Variants in DOCK10 observed in about 807,000 individuals in gnomAD.
DOCK10 encodes the protein dedicator of cytokinesis 10.
A neutral mutation model predicts 280.1 loss-of-function variants in DOCK10; 145 were observed. The observed-to-expected ratio is 0.52, with a 90% CI of 0.45 to 0.59. DOCK10 has a LOEUF of 0.59. Among genes scored for constraint, DOCK10 ranks in the 20% least tolerant of loss-of-function variants. The pLI is 0.00. For synonymous variants in DOCK10, 915 were observed against 942.2 expected (o/e 0.97, Z 0.53); for missense variants, 2,368 against 2,651.7 (o/e 0.89, Z 2.35).
chr2:224,931,754 C>A, intron 1 of DOCK10, 86 bp from the exon 2 acceptor site: 1 of 1,432,576 alleles, frequency 7.0e-7, no homozygotes, highest in Non-Finnish European at 9.3e-7. Flanking sequence ...TCTTAGTTAT[C>A]ATTGAGGCTT....
At chr2:224,901,849 C>T (rs1378367324) in intron 3 of DOCK10, among the ~76,000 whole-genome samples, 1 of 152,228 alleles carries the variant, frequency 6.6e-6, no homozygotes, top group African/African-American at 2.4e-5. Flanking sequence ...TAGTTTCACA[C>T]AGTGGATTCT....
At chr2:224,963,437 T>C (rs1296033196) in intron 1 of DOCK10, among the ~76,000 whole-genome samples, 3 of 152,242 alleles carry the variant, frequency 2.0e-5, no homozygotes, top group Non-Finnish European at 4.4e-5. Context: ...TAAAATTGTG[T>C]TTCTGTTCTG....
intron 50 of DOCK10, among the ~76,000 whole-genome samples, chr2:224,780,085 G>T (rs910802883): frequency 6.6e-6 from 1 of 152,168 alleles, no homozygotes; most frequent in Non-Finnish European, 1.5e-5. Flanking sequence ...ATAGTCCACG[G>T]CTTTAAATAA....
intron 1 of DOCK10, among the ~76,000 whole-genome samples, chr2:224,934,123 G>A (rs192260292): frequency 6.6e-6 from 1 of 152,150 alleles, no homozygotes; most frequent in East Asian, 1.9e-4. Flanking sequence ...TCGTATAGTG[G>A]TTAGTACTCT....
intron 16 of DOCK10, among the ~76,000 whole-genome samples, chr2:224,854,068 C>T (rs915988111): frequency 1.4e-4 from 22 of 152,128 alleles, no homozygotes; most frequent in Non-Finnish European, 2.9e-4. Context: ...TGATTTTGAA[C>T]CATGGCTTAA....
chr2:224,872,524 C>T (rs1407314866), intron 11 of DOCK10, among the ~76,000 whole-genome samples: 1 of 152,194 alleles, frequency 6.6e-6, no homozygotes, highest in East Asian at 1.9e-4. Context: ...TTATCCTGCT[C>T]TACACCTGGG....
chr2:224,876,257 C>T, intron 7 of DOCK10, 36 bp from the exon 8 acceptor site: 2 of 1,523,954 alleles, frequency 1.3e-6, no homozygotes, highest in Non-Finnish European at 1.8e-6. Flanking sequence ...AAAGAGAATA[C>T]CAAAAAATAA....
intron 1 of DOCK10, among the ~76,000 whole-genome samples, chr2:224,997,491 C>A (rs1401256791): frequency 6.6e-6 from 1 of 152,146 alleles, no homozygotes; most frequent in Non-Finnish European, 1.5e-5. Flanking sequence ...CTCAGCCTCT[C>A]AAAGTGCTGG....
intron 7 of DOCK10, among the ~76,000 whole-genome samples, chr2:224,878,910 C>T (rs750250360): frequency 6.6e-6 from 1 of 152,220 alleles, no homozygotes; most frequent in Non-Finnish European, 1.5e-5. Flanking sequence ...AAAGAGATAT[C>T]TGTTGTGTTC....
chr2:224,999,690 T>C (rs1342347973), intron 1 of DOCK10, among the ~76,000 whole-genome samples: 1 of 148,280 alleles, frequency 6.7e-6, no homozygotes, highest in Non-Finnish European at 1.5e-5. Context: ...CTTGGGAAAA[T>C]ATCCATAAAC....
intron 7 of DOCK10, among the ~76,000 whole-genome samples, chr2:224,880,034 G>A (rs995674731): frequency 2.0e-5 from 3 of 152,106 alleles, no homozygotes; most frequent in Non-Finnish European, 4.4e-5. Flanking sequence ...ACCTGCTTTC[G>A]AATGAAGATG....
chr2:224,772,699 A>G (rs886711874), intron 53 of DOCK10, among the ~76,000 whole-genome samples: 4 of 152,130 alleles, frequency 2.6e-5, no homozygotes, highest in African/African-American at 7.2e-5. Flanking sequence ...TCAATCACTC[A>G]CTGAGCATGC....
intron 1 of DOCK10, among the ~76,000 whole-genome samples, chr2:224,938,439 T>C (rs1374496605): frequency 6.6e-6 from 1 of 152,168 alleles, no homozygotes; most frequent in Admixed American, 6.5e-5. Flanking sequence ...CACCACATGC[T>C]AATTCTTTTT....
At chr2:225,000,491 C>T (rs750103379) in intron 1 of DOCK10, among the ~76,000 whole-genome samples, 7 of 152,128 alleles carry the variant, frequency 4.6e-5, no homozygotes, top group African/African-American at 9.7e-5. Flanking sequence ...ATTTCCTGTT[C>T]GTAATTCATT....
chr2:224,783,015 T>C (rs1053089042), intron 50 of DOCK10, among the ~76,000 whole-genome samples: 15 of 152,210 alleles, frequency 9.9e-5, no homozygotes, highest in African/African-American at 2.9e-4. Flanking sequence ...TTATTTATCA[T>C]GGAATGTGAA....
rs999914783 is a variant in DOCK10, at chr2:224,960,755, T to C, written c.124-29087A>G. 2.0e-3 allele frequency among the ~76,000 whole-genome samples: 288 copies of C among 146,168 alleles called. 1 individual carries two copies. The highest frequency in any genetic ancestry group is 6.5e-3 in the African/African-American group (255 of 39,458). On this transcript the variant is annotated intron_variant, in intron 1 of 55. Transcript: ENST00000258390. ...CTTTTTTTTTTTTTTTTTTTTTTTT[T>C]TTGAGATGGAGTTTCGCTCTGTCGC...
chr2:224,912,113 G>C (rs7591572), intron 3 of DOCK10, among the ~76,000 whole-genome samples: 85,250 of 151,588 alleles, frequency 0.56, 24,914 homozygotes, highest in Non-Finnish European at 0.64. Context: ...GGCTTCAGTT[G>C]CTTCCAATTC....
intron 44 of DOCK10, 43 bp from the exon 45 acceptor site, chr2:224,795,137 T>G: frequency 1.3e-6 from 2 of 1,566,722 alleles, no homozygotes; most frequent in Non-Finnish European, 1.8e-6. Context: ...GTTTAGAATC[T>G]ATAGGTTAAC....
chr2:224,960,730 CTTTTTTTTTTTTTTT>C (rs71281764), intron 1 of DOCK10, among the ~76,000 whole-genome samples: 2 of 70,254 alleles, frequency 2.8e-5, no homozygotes, highest in Non-Finnish European at 5.3e-5. Context: ...TCACCAAATT[CTTTTTTTTTTTTTTT>C]TTTTTTTTTT....
Sources: gnomAD v4.1 joint callset for allele counts (sites outside exome capture counted in the v4.1 genomes callset) on GRCh38, gnomAD v4.1.1 for gene constraint, MANE v1.5 for transcripts, NCBI Gene and HGNC (gene_info 2026-07-23, HGNC 2026-07-21) for gene names.